WDR77: variants seen among roughly 807,000 people sequenced by gnomAD.
The protein encoded by WDR77 is methylosome protein WDR77.
WDR77 carries 31 observed loss-of-function variants against 44.0 expected under a neutral mutation model. That is an observed-to-expected ratio of 0.70 (90% CI 0.53 to 0.95). WDR77 has a LOEUF of 0.95. Ranked by LOEUF, WDR77 falls within the 40% of genes least tolerant of loss-of-function variation. The pLI is 0.00. For missense variants in WDR77, 390 were observed against 423.9 expected, an observed-to-expected ratio of 0.92 and a Z score of 0.70; for synonymous variants, 186 against 165.7, an observed-to-expected ratio of 1.12 and a Z score of -0.94.
intron 4 of WDR77, 71 bp from the exon 5 acceptor site, chr1:111,444,195 A>G (rs1652927626): frequency 6.7e-7 from 1 of 1,484,138 alleles, no homozygotes; most frequent in Non-Finnish European, 9.4e-7. Context: ...CAGCCCAGGA[A>G]TAATCAAGGG....
chr1:111,446,909 T>TA (rs899581207), intron 4 of WDR77, 186 bp downstream of exon 4: 260 of 619,390 alleles, frequency 4.2e-4, no homozygotes, highest in South Asian at 5.5e-4. Flanking sequence ...CTAGTCGAAT[T>TA]AAAAAAAAAG....
At position 111,449,097 on chromosome 1, in the gene WDR77, C is replaced by T. The variant is rs1653193173; in HGVS notation, c.73G>A (p.Ala25Thr). ...GCCTCCAACTGCCGTTCCATGCAGG[C>T]GGGCGCATTTGGGGGAAGATTCCAC... Reference protein sequence around the residue: ...REWNLPPNAPACMERQLEAAR... With the variant: ...REWNLPPNAPTCMERQLEAAR... The change falls in exon 1 of 10, where the codon GCC becomes ACC. Residue 25 changes from alanine (A) to threonine (T), a missense_variant. Transcript: ENST00000235090. 3 of 1,602,532 alleles carry T rather than the reference C, an allele frequency of 1.9e-6. No homozygotes were observed. The highest frequency in any genetic ancestry group is 8.5e-7 in the Non-Finnish European group (1 of 1,176,730).
Position 111,444,103 on chromosome 1 carries a change from C to G in WDR77, c.515G>C (p.Cys172Ser). Reference sequence around the variant, plus strand: ...GTCCTTGTGAGGAGAGGCAGCAACACAAGTGACCTGAGCAGCATGAGCTAT... The same window carrying G: ...GTCCTTGTGAGGAGAGGCAGCAACAGAAGTGACCTGAGCAGCATGAGCTAT... ...SYRAHAAQVT[C>S]VAASPHKDSV... The change falls in exon 5 of 10, where the codon TGT becomes TCT. Residue 172 changes from cysteine (C) to serine (S), a missense_variant. Transcript: ENST00000235090. 6.2e-7 allele frequency: 1 copy of G among 1,613,850 alleles called. No individual in the cohort carries two copies. Among genetic ancestry groups the G allele is most frequent in the Non-Finnish European group, 8.5e-7 (1 of 1,180,016 alleles).
intron 3 of WDR77, 138 bp from the exon 4 acceptor site, chr1:111,447,282 G>A: frequency 1.4e-6 from 2 of 1,460,084 alleles, no homozygotes; most frequent in Middle Eastern, 1.8e-4. Context: ...ACTTACGATG[G>A]ACTGCAAAAT....
Position 111,449,223 on chromosome 1 carries a change from C to G in WDR77, c.-54G>C. The G allele has an allele frequency of 6.5e-7, 1 of 1,534,752 alleles. No individual in the cohort carries two copies. Among genetic ancestry groups the G allele is most frequent in the Non-Finnish European group, 8.7e-7 (1 of 1,145,826 alleles). ...CAAACTGGACGCCGGCCGGAGACTC[C>G]GCTCCGGCAGCAAACCCCACGTGGT... On this transcript the variant is annotated 5_prime_UTR_variant, in exon 1 of 10. Transcript: ENST00000235090.
intron 8 of WDR77, 108 bp from the exon 9 acceptor site, chr1:111,442,201 T>A: frequency 9.6e-7 from 1 of 1,044,592 alleles, no homozygotes; most frequent in Non-Finnish European, 1.5e-6. Context: ...AGAGGCAGCC[T>A]GATTCCCACT....
intron 9 of WDR77, 68 bp from the exon 10 acceptor site, chr1:111,441,457 A>C: frequency 7.1e-7 from 1 of 1,408,428 alleles, no homozygotes; most frequent in Non-Finnish European, 9.3e-7. Flanking sequence ...AAAAAAGAGA[A>C]CCCAACACAT....
In WDR77 at chr1:111,448,720, G is replaced by A. The variant is rs1269710461; in HGVS notation, c.200C>T (p.Ala67Val). Residue 67 changes from alanine (A) to valine (V), a missense_variant, in exon 2 of 10, where the codon GCC becomes GTC. Coordinates refer to ENST00000235090, the MANE Select transcript of WDR77 (RefSeq NM_024102.4). ...SLWLFKDPCA[A>V]PNEGFCSAGV... Reference sequence around the variant, plus strand: ...GGCGGAGCAGAAGCCTTCGTTGGGGGCGGCACAGGGGTCCTTAAAAAGCCA... The same window carrying A: ...GGCGGAGCAGAAGCCTTCGTTGGGGACGGCACAGGGGTCCTTAAAAAGCCA... 6.2e-7 allele frequency: 1 copy of A among 1,614,110 alleles called. No individual in the cohort carries two copies. The highest frequency in any genetic ancestry group is 1.1e-5 in the South Asian group (1 of 91,068).
intron 3 of WDR77, 136 bp from the exon 4 acceptor site, chr1:111,447,280 T>C (rs1653081221): frequency 2.1e-6 from 3 of 1,463,328 alleles, no homozygotes; most frequent in African/African-American, 1.4e-5. Flanking sequence ...CTACTTACGA[T>C]GGACTGCAAA....
chr1:111,443,312 C>T lies in WDR77; in HGVS notation c.691+11G>A, dbSNP rs563310886. 7.0e-5 allele frequency: 109 copies of T among 1,551,118 alleles called. No homozygotes were observed. Among genetic ancestry groups the T allele is most frequent in the Middle Eastern group, 5.0e-4 (3 of 5,974 alleles). On this transcript the variant is annotated intron_variant, in intron 7 of 9. Coordinates refer to ENST00000235090, the MANE Select transcript of WDR77 (RefSeq NM_024102.4). ...CCCAGAGTCAATATGAAGTCTGACA[C>T]GCTGCCTTACCAAAGACAAAGACTT...
intron 3 of WDR77, 129 bp from the exon 4 acceptor site, chr1:111,447,273 C>A: frequency 6.8e-7 from 1 of 1,465,484 alleles, no homozygotes; most frequent in Non-Finnish European, 9.4e-7. Context: ...CTATGGTCTA[C>A]TTACGATGGA....
At chr1:111,443,713 T>A (rs1652907646) in intron 6 of WDR77, 154 bp downstream of exon 6, 1 of 985,442 alleles carries the variant, frequency 1.0e-6, no homozygotes, top group South Asian at 4.7e-5. Flanking sequence ...AGAATGGGGT[T>A]AGCAGAGCCT....
chr1:111,442,969 C>T (rs1416061290), intron 7 of WDR77, among the ~76,000 whole-genome samples: 1 of 152,300 alleles, frequency 6.6e-6, no homozygotes, highest in East Asian at 1.9e-4. Flanking sequence ...AACTATGTCA[C>T]CATATACACA....
At position 111,448,939 on chromosome 1, in the gene WDR77, C is replaced by A. The variant is rs1267828970; in HGVS notation, c.115+116G>T. ...GGCAGGGCTGGGGACAGCTCGGTGACGCGACCCAGGGTCAGGATAACATGC... is the reference window on the plus strand; with the variant it reads ...GGCAGGGCTGGGGACAGCTCGGTGAAGCGACCCAGGGTCAGGATAACATGC... On this transcript the variant is annotated intron_variant, in intron 1 of 9. Transcript: ENST00000235090. 2.0e-6 allele frequency: 3 copies of A among 1,537,950 alleles called. No homozygotes were observed. In the Admixed American group the frequency reaches 5.9e-5, roughly 30 times the overall value.
At chr1:111,445,680 G>A (rs971283311) in intron 4 of WDR77, among the ~76,000 whole-genome samples, 7 of 152,190 alleles carry the variant, frequency 4.6e-5, no homozygotes, top group Admixed American at 3.9e-4. Flanking sequence ...AAGGCTGCAT[G>A]GCAGAAATGC....
intron 4 of WDR77, chr1:111,446,774 G>T: frequency 4.1e-6 from 1 of 245,008 alleles, no homozygotes. Context: ...AGGTGGTGAG[G>T]CCATCAATAG....
At position 111,446,845 on chromosome 1, in the gene WDR77, T is replaced by C. The variant is rs1016508175; in HGVS notation, c.493+250A>G. 5 of 457,740 alleles carry C rather than the reference T, an allele frequency of 1.1e-5. 1 individual carries two copies. The South Asian group carries it at 1.7e-4, about 15-fold the overall frequency. The allele number at this position is 457,740 out of a possible 1,614,324, so 28.4% of individuals were successfully genotyped here. A position where few individuals can be genotyped will look rare whatever the true frequency, so the allele number is the denominator to read the frequency against. On this transcript the variant is annotated intron_variant, in intron 4 of 9. Coordinates refer to ENST00000235090, the MANE Select transcript of WDR77 (RefSeq NM_024102.4). ...TATCTCAGTTGATTGTTCAGTCAGT[T>C]ACAGATTAAACTCCTTGTTCTATTC...
At chr1:111,441,525 C>A in intron 9 of WDR77, 136 bp from the exon 10 acceptor site, 1 of 1,325,340 alleles carries the variant, frequency 7.5e-7, no homozygotes, top group Non-Finnish European at 9.6e-7. Flanking sequence ...GGCCTCATCG[C>A]CAGGATAGCA....
At chr1:111,442,123 G>T in intron 8 of WDR77, 30 bp from the exon 9 acceptor site, 1 of 1,605,898 alleles carries the variant, frequency 6.2e-7, no homozygotes. Flanking sequence ...GTTGTGAAAG[G>T]TCCAGCCTGG....
Sources: gnomAD v4.1 joint callset for allele counts (sites outside exome capture counted in the v4.1 genomes callset) on GRCh38, gnomAD v4.1.1 for gene constraint, MANE v1.5 for transcripts, NCBI Gene and HGNC (gene_info 2026-07-23, HGNC 2026-07-21) for gene names.